The following TOMM34 variants were observed in gnomAD, a reference collection of about 807,000 sequenced individuals.
The protein encoded by TOMM34 is translocase of outer mitochondrial membrane 34.
In TOMM34, 24 loss-of-function variants were observed where a neutral mutation model predicts 37.4. The observed-to-expected ratio is 0.64, with a 90% CI of 0.46 to 0.90. The LOEUF is 0.90. Among genes scored for constraint, TOMM34 ranks in the 40% least tolerant of loss-of-function variants. The pLI, the probability that TOMM34 is intolerant of heterozygous loss-of-function variation, is 0.00. For missense variants in TOMM34, 304 were observed against 375.6 expected (o/e 0.81, Z 1.58); for synonymous variants, 154 against 148.9 (o/e 1.03, Z -0.25).
chr20:44,943,606 T>C, intron 5 of TOMM34, 27 bp from the exon 6 acceptor site: 1 of 1,613,590 alleles, frequency 6.2e-7, no homozygotes, highest in Non-Finnish European at 8.5e-7. Flanking sequence ...TTTCAGAGGT[T>C]TCAGTCACGT....
intron 5 of TOMM34, among the ~76,000 whole-genome samples, chr20:44,948,451 T>C (rs997111070): frequency 2.0e-5 from 3 of 152,220 alleles, no homozygotes; most frequent in Non-Finnish European, 2.9e-5. Context: ...AGGGTTGTGT[T>C]TGCAGAGCAG....
chr20:44,956,925 C>T (rs748452278), intron 1 of TOMM34, among the ~76,000 whole-genome samples: 46 of 149,526 alleles, frequency 3.1e-4, no homozygotes, highest in Non-Finnish European at 6.2e-4. Flanking sequence ...AGATGATAAA[C>T]GTATGATAAA....
At chr20:44,956,870 AAAG>A (rs2067077679) in intron 1 of TOMM34, among the ~76,000 whole-genome samples, 1 of 149,028 alleles carries the variant, frequency 6.7e-6, no homozygotes, top group Admixed American at 6.6e-5. Flanking sequence ...TCCAAGAAAG[AAAG>A]AAAAAAAAAA....
chr20:44,956,535 A>C, intron 1 of TOMM34, 50 bp from the exon 2 acceptor site: 1 of 1,569,470 alleles, frequency 6.4e-7, no homozygotes, highest in Non-Finnish European at 8.8e-7. Context: ...TGGGTGCCTC[A>C]GGGCATTAGG....
intron 2 of TOMM34, 132 bp downstream of exon 2, chr20:44,956,254 C>G: frequency 1.1e-6 from 1 of 885,906 alleles, no homozygotes; most frequent in South Asian, 1.7e-5. Context: ...CCTGGTGAAA[C>G]TCAGTGACAC....
chr20:44,953,086 G>C (rs569097770), intron 3 of TOMM34, among the ~76,000 whole-genome samples: 1 of 152,090 alleles, frequency 6.6e-6, no homozygotes, highest in South Asian at 2.1e-4. Flanking sequence ...CTCTTTCAGG[G>C]ACCACACCCA....
At chr20:44,954,768 A>G (rs182268566) in intron 3 of TOMM34, among the ~76,000 whole-genome samples, 2 of 152,332 alleles carry the variant, frequency 1.3e-5, no homozygotes, top group African/African-American at 4.8e-5. Context: ...TCATTTTGGT[A>G]TCCCCCACTG....
chr20:44,953,093 C>G lies in TOMM34; in HGVS notation c.381-1091G>C, dbSNP rs370721112. 1.6e-4 allele frequency among the ~76,000 whole-genome samples: 24 copies of G among 152,294 alleles called. 1 individual carries two copies. In the East Asian group the frequency reaches 4.2e-3, roughly 27 times the overall value. ...CCTCTTGCCTCTTTCAGGGACCACA[C>G]CCAGGCAGCACCTCCCTCTCCCACA... is the stretch of plus-strand genomic sequence containing the variant. On this transcript the variant is annotated intron_variant, in intron 3 of 6. Coordinates refer to ENST00000372813, the MANE Select transcript of TOMM34 (RefSeq NM_006809.5).
chr20:44,958,194 T>C lies in TOMM34; in HGVS notation c.128-1709A>G, dbSNP rs139946297. 43 of 373,934 alleles carry C rather than the reference T, an allele frequency of 1.1e-4. No individual in the cohort carries two copies. The East Asian group carries it at 3.2e-3, about 27-fold the overall frequency. The allele number at this position is 373,934 out of a possible 1,614,324, so 23.2% of individuals were successfully genotyped here. On this transcript the variant is annotated intron_variant, in intron 1 of 6. Transcript: ENST00000372813. ...CAGGAAAGATACCATTTTATGTCTA[T>C]TAAAGCATTTCCTAAGAGGCATCAT...
Position 44,942,863 on chromosome 20 carries a change from G to T in TOMM34, c.*246C>A. On this transcript the variant is annotated 3_prime_UTR_variant, in exon 7 of 7. Transcript: ENST00000372813. ...GCTGGGCTGGGGGAATAGGGACAGA[G>T]CTTCAGCTTCACGCTTAGCTCTAGT... 1 of 571,744 alleles carries T rather than the reference G, an allele frequency of 1.7e-6. No individual in the cohort carries two copies. The allele number at this position is 571,744 out of a possible 1,614,324, so 35.4% of individuals were successfully genotyped here.
intron 5 of TOMM34, among the ~76,000 whole-genome samples, chr20:44,947,975 T>C (rs955406135): frequency 6.6e-6 from 1 of 152,242 alleles, no homozygotes; most frequent in Non-Finnish European, 1.5e-5. Context: ...TCTTGCTGAA[T>C]GTTTCAAGCT....
intron 2 of TOMM34, chr20:44,955,499 C>T (rs1425789786): frequency 3.6e-6 from 2 of 561,866 alleles, no homozygotes; most frequent in Non-Finnish European, 6.8e-6. Flanking sequence ...GAACAAAAGC[C>T]TCATGGCTTT....
At chr20:44,956,560 C>G in intron 1 of TOMM34, 75 bp from the exon 2 acceptor site, 2 of 1,436,736 alleles carry the variant, frequency 1.4e-6, no homozygotes, top group South Asian at 1.2e-5. Flanking sequence ...ATTTCAAACT[C>G]AGAGCTCTTT....
At chr20:44,957,073 A>C (rs2067080266) in intron 1 of TOMM34, among the ~76,000 whole-genome samples, 1 of 152,216 alleles carries the variant, frequency 6.6e-6, no homozygotes, top group African/African-American at 2.4e-5. Flanking sequence ...GAACTTAATC[A>C]GGAAAAAGTC....
chr20:44,952,119 C>T, intron 3 of TOMM34, 117 bp from the exon 4 acceptor site: 2 of 1,294,954 alleles, frequency 1.5e-6, no homozygotes, highest in Non-Finnish European at 2.1e-6. Flanking sequence ...CCACCCTCCC[C>T]CTGGTCGGAA....
In TOMM34 at chr20:44,942,998, G is replaced by T; in HGVS notation, c.*111C>A. On this transcript the variant is annotated 3_prime_UTR_variant, in exon 7 of 7. Transcript: ENST00000372813. ...AGGCCATCAAGGGATTGAGGAGGGG[G>T]CTTCAGAGCTCACTTGGGGCATGCT... 1 of 952,948 alleles carries T rather than the reference G, an allele frequency of 1.0e-6. No homozygotes were observed. Among genetic ancestry groups the T allele is most frequent in the Non-Finnish European group, 1.7e-6 (1 of 604,716 alleles). 59.0% of individuals were successfully genotyped at this position (952,948 alleles called of 1,614,324 possible).
chr20:44,944,244 T>C (rs2066961465), intron 5 of TOMM34, among the ~76,000 whole-genome samples: 2 of 152,228 alleles, frequency 1.3e-5, no homozygotes, highest in Admixed American at 1.3e-4. Flanking sequence ...ATCCATACAA[T>C]ATATTCTGCA....
Position 44,942,881 on chromosome 20 carries a change from G to T in TOMM34, c.*228C>A. The T allele has an allele frequency of 1.7e-6, 1 of 592,800 alleles. No homozygotes were observed. 36.7% of individuals were successfully genotyped at this position (592,800 alleles called of 1,614,324 possible). A position where few individuals can be genotyped will look rare whatever the true frequency, so the allele number is the denominator to read the frequency against. ...GGACAGAGCTTCAGCTTCACGCTTAGCTCTAGTGGGGACCTTTCTGGTGCA... is the reference window on the plus strand; with the variant it reads ...GGACAGAGCTTCAGCTTCACGCTTATCTCTAGTGGGGACCTTTCTGGTGCA... On this transcript the variant is annotated 3_prime_UTR_variant, in exon 7 of 7. Coordinates refer to ENST00000372813, the MANE Select transcript of TOMM34 (RefSeq NM_006809.5).
intron 3 of TOMM34, among the ~76,000 whole-genome samples, chr20:44,954,648 C>A (rs981699980): frequency 2.6e-5 from 4 of 152,172 alleles, no homozygotes; most frequent in African/African-American, 4.8e-5. Flanking sequence ...TATACTGAAC[C>A]ATGTCCACAA....
Sources: allele counts gnomAD v4.1 joint callset (sites outside exome capture counted in the v4.1 genomes callset), GRCh38; gene constraint gnomAD v4.1.1; transcripts MANE v1.5; gene names NCBI Gene and HGNC (gene_info 2026-07-23, HGNC 2026-07-21).